Variants in ABCA13 observed in about 807,000 individuals in gnomAD.
ABCA13 encodes the protein ATP binding cassette subfamily A member 13.
A neutral mutation model predicts 478.7 loss-of-function variants in ABCA13; 476 were observed. That is an observed-to-expected ratio of 0.99 (90% CI 0.92 to 1.07). The LOEUF (loss-of-function observed/expected upper bound fraction) is 1.07. Ranked by LOEUF, ABCA13 falls within the 50% of genes least tolerant of loss-of-function variation. The pLI is 0.00. For synonymous variants in ABCA13, 2,252 were observed against 2,158.9 expected (o/e 1.04, Z -1.20); for missense variants, 6,060 against 5,910.6 (o/e 1.03, Z -0.83).
chr7:48,230,011 A>G, intron 7 of ABCA13, 56 bp downstream of exon 7: 1 of 1,551,026 alleles, frequency 6.4e-7, no homozygotes. Context: ...ACTTAAATTC[A>G]TTGACAGTTG....
intron 3 of ABCA13, among the ~76,000 whole-genome samples, chr7:48,198,721 C>G (rs769936933): frequency 3.9e-5 from 6 of 152,198 alleles, no homozygotes; most frequent in Non-Finnish European, 7.3e-5. Context: ...TTTGAGCTAC[C>G]TACTGGGTTT....
chr7:48,184,480 A>G (rs917692428), intron 1 of ABCA13, among the ~76,000 whole-genome samples: 2 of 152,202 alleles, frequency 1.3e-5, no homozygotes, highest in Non-Finnish European at 2.9e-5. Context: ...AGCATTAAAA[A>G]GAAAAGGAAA....
intron 55 of ABCA13, among the ~76,000 whole-genome samples, chr7:48,543,080 T>C (rs1242933720): frequency 6.6e-6 from 1 of 151,810 alleles, no homozygotes; most frequent in African/African-American, 2.4e-5. Flanking sequence ...TTTCTATCCC[T>C]CAAAGAAAAT....
chr7:48,549,039 T>C (rs549839184), intron 55 of ABCA13, among the ~76,000 whole-genome samples: 68 of 151,880 alleles, frequency 4.5e-4, no homozygotes, highest in African/African-American at 1.6e-3. Context: ...TCATTATTTT[T>C]TCTTTACTTT....
chr7:48,274,166 A>G lies in ABCA13; in HGVS notation c.4500A>G (p.Val1500=). 1 of 1,610,822 alleles carries G rather than the reference A, an allele frequency of 6.2e-7. No individual in the cohort carries two copies. The highest frequency in any genetic ancestry group is 8.5e-7 in the Non-Finnish European group (1 of 1,178,022). Residue 1500 remains valine, a synonymous_variant, in exon 17 of 62, where the codon GTA becomes GTG. Coordinates refer to ENST00000435803, the MANE Select transcript of ABCA13 (RefSeq NM_152701.5). ...TTTTAAATGATTCCACAAAGCAAGTAAGGATGAGTATCAACAACTTAACAA... is the reference window on the plus strand; with the variant it reads ...TTTTAAATGATTCCACAAAGCAAGTGAGGATGAGTATCAACAACTTAACAA... The part of the protein sequence containing the change: ...LALLNDSTKQ[V]RMSINNLTTD...
At chr7:48,254,175 T>A (rs1793019542) in intron 15 of ABCA13, among the ~76,000 whole-genome samples, 1 of 152,152 alleles carries the variant, frequency 6.6e-6, no homozygotes, top group Non-Finnish European at 1.5e-5. Context: ...ATTTTCTGCC[T>A]GATAACTTCA....
intron 29 of ABCA13, among the ~76,000 whole-genome samples, chr7:48,339,997 T>C (rs1157874687): frequency 6.6e-6 from 1 of 152,234 alleles, no homozygotes; most frequent in Non-Finnish European, 1.5e-5. Context: ...TTCTTCATCC[T>C]ATAAACAGTA....
chr7:48,623,849 A>G (rs552858360), intron 59 of ABCA13, among the ~76,000 whole-genome samples: 206 of 152,260 alleles, frequency 1.4e-3, no homozygotes, highest in African/African-American at 4.7e-3. Flanking sequence ...TTCTGTTCCC[A>G]AGGAAGATAG....
chr7:48,512,246 C>G (rs1831754255), intron 51 of ABCA13, among the ~76,000 whole-genome samples: 3 of 152,144 alleles, frequency 2.0e-5, no homozygotes, highest in Admixed American at 1.3e-4. Flanking sequence ...ATTATTCTGT[C>G]TAATCCTCAG....
intron 60 of ABCA13, 26 bp from the exon 61 acceptor site, chr7:48,644,588 ACTT>A: frequency 1.6e-6 from 2 of 1,278,532 alleles, no homozygotes; most frequent in South Asian, 1.4e-5. Flanking sequence ...GTTATATGAT[ACTT>A]TTTTTTTTTT....
At chr7:48,395,298 G>A (rs186746711) in intron 38 of ABCA13, among the ~76,000 whole-genome samples, 17 of 152,252 alleles carry the variant, frequency 1.1e-4, no homozygotes, top group African/African-American at 3.4e-4. Flanking sequence ...GGGGGCTCCT[G>A]CACTAAGAAC....
At position 48,643,357 on chromosome 7, in the gene ABCA13, C is replaced by A. The variant is rs947676876; in HGVS notation, c.14907C>A (p.Asp4969Glu). ...CAAATCAACATTGCACTGTTTCTGACCACTTGAAGCTTTATTTTCCAGGAA... is the reference window on the plus strand; with the variant it reads ...CAAATCAACATTGCACTGTTTCTGAACACTTGAAGCTTTATTTTCCAGGAA... ...KEANQHCTVS[D>E]HLKLYFPGIQ... Residue 4969 changes from aspartate to glutamate, a missense_variant, in exon 60 of 62, where the codon GAC becomes GAA. By Grantham distance (45) the Asp-to-Glu change is conservative. This residue lies in a region of ABCA13 where 1,627 missense variants were observed against 1,571.0 expected (regional missense o/e 1.04). Coordinates refer to ENST00000435803, the MANE Select transcript of ABCA13 (RefSeq NM_152701.5). 15 of 1,613,488 alleles carry A rather than the reference C, an allele frequency of 9.3e-6. No individual in the cohort carries two copies. In the Middle Eastern group the frequency reaches 4.9e-4, roughly 53 times the overall value.
At chr7:48,255,719 A>T (rs1305296292) in intron 15 of ABCA13, among the ~76,000 whole-genome samples, 1 of 152,180 alleles carries the variant, frequency 6.6e-6, no homozygotes, top group Non-Finnish European at 1.5e-5. Context: ...CTTGATGGAC[A>T]TCTAGCTGGA....
intron 45 of ABCA13, among the ~76,000 whole-genome samples, chr7:48,476,942 A>G (rs1449188568): frequency 6.6e-6 from 1 of 152,200 alleles, no homozygotes; most frequent in African/African-American, 2.4e-5. Context: ...GAAAGGATAA[A>G]ACATTTTAAA....
At chr7:48,242,424 G>T (rs545672191) in intron 10 of ABCA13, among the ~76,000 whole-genome samples, 6 of 151,070 alleles carry the variant, frequency 4.0e-5, no homozygotes, top group African/African-American at 1.5e-4. Flanking sequence ...TCCATCTGCT[G>T]TTTTTTTTTC....
intron 27 of ABCA13, among the ~76,000 whole-genome samples, chr7:48,326,823 G>A (rs1361520620): frequency 6.6e-6 from 1 of 152,194 alleles, no homozygotes; most frequent in East Asian, 1.9e-4. Context: ...CAGTGACAAG[G>A]GCATGGGGAA....
At chr7:48,561,007 G>T (rs1786395934) in intron 55 of ABCA13, among the ~76,000 whole-genome samples, 1 of 152,006 alleles carries the variant, frequency 6.6e-6, no homozygotes. Context: ...CTCTAATTCT[G>T]TCCATATCAT....
At chr7:48,603,712 AG>A in intron 58 of ABCA13, 1 of 191,280 alleles carries the variant, frequency 5.2e-6, no homozygotes, top group South Asian at 8.8e-5. Flanking sequence ...TTTTTCTGCC[AG>A]GTTTTGGTAT....
intron 34 of ABCA13, among the ~76,000 whole-genome samples, chr7:48,375,691 C>T (rs189896785): frequency 1.3e-5 from 2 of 151,694 alleles, no homozygotes; most frequent in African/African-American, 4.9e-5. Context: ...GTTGTATTAG[C>T]CAGTTAATTT....
Sources: gnomAD v4.1 joint callset for allele counts (sites outside exome capture counted in the v4.1 genomes callset) on GRCh38, gnomAD v4.1.1 for gene constraint, gnomAD v4.1.1 regional missense constraint, MANE v1.5 for transcripts, NCBI Gene and HGNC (gene_info 2026-07-23, HGNC 2026-07-21) for gene names.